The following PDK1 variants were observed in gnomAD, a reference collection of about 807,000 sequenced individuals.
The protein encoded by PDK1 is [Pyruvate dehydrogenase (acetyl-transferring)] kinase isozyme 1, mitochondrial.
Under a neutral mutation model 54.2 loss-of-function variants are expected in PDK1, and 39 were observed. That is an observed-to-expected ratio of 0.72 (90% CI 0.56 to 0.94). PDK1 has a LOEUF of 0.94. Ranked by LOEUF, PDK1 falls within the 40% of genes least tolerant of loss-of-function variation. The pLI is 0.00. For missense variants in PDK1, 552 were observed against 566.0 expected (o/e 0.98, Z 0.25); for synonymous variants, 221 against 207.1 (o/e 1.07, Z -0.58).
At chr2:172,669,785 G>A in the PDK1 span, among the ~76,000 whole-genome samples, 11 of 152,218 alleles carry the variant, frequency 7.2e-5, no homozygotes, top group Admixed American at 2.0e-4. Context: ...TTATCTGTTG[G>A]CCATTTGCAC....
At chr2:172,675,920 G>A in the PDK1 span, among the ~76,000 whole-genome samples, 1 of 152,106 alleles carries the variant, frequency 6.6e-6, no homozygotes, top group South Asian at 2.1e-4. Context: ...GTGACTTTAA[G>A]TTGAAGCCAA....
chr2:172,666,305 A>C, the PDK1 span, among the ~76,000 whole-genome samples: 25 of 152,244 alleles, frequency 1.6e-4, no homozygotes, highest in African/African-American at 6.0e-4. Flanking sequence ...ACATTCCTGT[A>C]GGTATCTTTC....
the PDK1 span, among the ~76,000 whole-genome samples, chr2:172,684,193 G>A: frequency 1.3e-4 from 20 of 152,338 alleles, no homozygotes; most frequent in African/African-American, 4.6e-4. Context: ...GGCCCAGGCA[G>A]GTGGATTGCT....
the PDK1 span, among the ~76,000 whole-genome samples, chr2:172,683,351 A>G: frequency 6.6e-6 from 1 of 151,940 alleles, no homozygotes; most frequent in African/African-American, 2.4e-5. Context: ...CGTCAAAAAA[A>G]AAAAAAAAAA....
chr2:172,641,495 G>A, the PDK1 span, among the ~76,000 whole-genome samples: 1 of 148,558 alleles, frequency 6.7e-6, no homozygotes, highest in African/African-American at 2.5e-5. Flanking sequence ...AGGCTAGAGT[G>A]CAGTGGCACA....
chr2:172,584,291 A>G (rs1690084554), intron 8 of PDK1, among the ~76,000 whole-genome samples: 1 of 152,148 alleles, frequency 6.6e-6, no homozygotes, highest in African/African-American at 2.4e-5. Flanking sequence ...TACTCATTCT[A>G]CAGACAATAA....
At chr2:172,708,733 T>G in the PDK1 span, among the ~76,000 whole-genome samples, 1 of 152,192 alleles carries the variant, frequency 6.6e-6, no homozygotes, top group Non-Finnish European at 1.5e-5. Flanking sequence ...GGGACCCAAG[T>G]CTAAACACAA....
At chr2:172,622,497 CATAT>C in the PDK1 span, among the ~76,000 whole-genome samples, 4 of 137,586 alleles carry the variant, frequency 2.9e-5, no homozygotes, top group Non-Finnish European at 3.2e-5. Flanking sequence ...GTTTATATCT[CATAT>C]ATTATGTGAG....
the PDK1 span, among the ~76,000 whole-genome samples, chr2:172,622,838 A>G: frequency 6.8e-6 from 1 of 146,650 alleles, no homozygotes; most frequent in Non-Finnish European, 1.5e-5. Flanking sequence ...ATGTAATATG[A>G]TATATGTTTA....
At chr2:172,715,776 A>C in the PDK1 span, among the ~76,000 whole-genome samples, 2 of 152,200 alleles carry the variant, frequency 1.3e-5, no homozygotes, top group South Asian at 2.1e-4. Context: ...GTATAATAAG[A>C]ATCAAAATGT....
upstream of PDK1, chr2:172,555,888 G>C (rs2149166888): frequency 3.0e-6 from 1 of 332,760 alleles, no homozygotes; most frequent in Non-Finnish European, 5.4e-6. Flanking sequence ...CGCGCGCTCC[G>C]CATCTCCTTC....
chr2:172,686,693 T>C, the PDK1 span, among the ~76,000 whole-genome samples: 6 of 152,322 alleles, frequency 3.9e-5, no homozygotes, highest in South Asian at 2.1e-4. Flanking sequence ...CTGCTCACAA[T>C]AAATCAGCTG....
the PDK1 span, among the ~76,000 whole-genome samples, chr2:172,687,335 G>GT: frequency 5.0e-4 from 74 of 146,864 alleles, no homozygotes; most frequent in Middle Eastern, 3.6e-3. Flanking sequence ...TATTTAAGAA[G>GT]TTTTTTTTTT....
chr2:172,621,861 C>T, the PDK1 span, among the ~76,000 whole-genome samples: 1 of 139,436 alleles, frequency 7.2e-6, no homozygotes, highest in Non-Finnish European at 1.6e-5. Context: ...ATGTTTATAT[C>T]TCATATGTAT....
chr2:172,635,706 G>A, the PDK1 span, among the ~76,000 whole-genome samples: 1 of 152,224 alleles, frequency 6.6e-6, no homozygotes, highest in African/African-American at 2.4e-5. Context: ...CCTCCACCCC[G>A]GGGCTAATTC....
the PDK1 span, among the ~76,000 whole-genome samples, chr2:172,648,774 G>A: frequency 6.6e-6 from 1 of 152,198 alleles, no homozygotes; most frequent in Admixed American, 6.5e-5. Context: ...AGGCCACAGC[G>A]AGGCTGGGGG....
chr2:172,627,503 A>G, the PDK1 span, among the ~76,000 whole-genome samples: 1 of 152,222 alleles, frequency 6.6e-6, no homozygotes, highest in Non-Finnish European at 1.5e-5. Flanking sequence ...CACAGTATCA[A>G]GAAAGCCATA....
chr2:172,714,287 A>G, the PDK1 span, among the ~76,000 whole-genome samples: 1 of 152,184 alleles, frequency 6.6e-6, no homozygotes, highest in Non-Finnish European at 1.5e-5. Flanking sequence ...TAATCTAAAT[A>G]CCAGAACAGT....
intron 8 of PDK1, among the ~76,000 whole-genome samples, chr2:172,573,835 C>T (rs759539490): frequency 5.9e-5 from 9 of 151,918 alleles, no homozygotes; most frequent in Non-Finnish European, 1.0e-4. Context: ...TGCTATGTTG[C>T]CCAGGCTGGT....
Sources: allele counts gnomAD v4.1 joint callset (sites outside exome capture counted in the v4.1 genomes callset), GRCh38; gene constraint gnomAD v4.1.1; transcripts MANE v1.5; gene names NCBI Gene and HGNC (gene_info 2026-07-23, HGNC 2026-07-21).